The following CADM2 variants were observed in gnomAD, a reference collection of about 807,000 sequenced individuals.
CADM2 encodes the protein immunoglobulin superfamily member 4D.
CADM2 carries 12 observed loss-of-function variants against 49.8 expected under a neutral mutation model. That is an observed-to-expected ratio of 0.24 (90% CI 0.15 to 0.39). The LOEUF is 0.39. Ranked by LOEUF, CADM2 falls within the 10% of genes least tolerant of loss-of-function variation. The pLI, the probability that CADM2 is intolerant of heterozygous loss-of-function variation, is 1.00. For synonymous variants in CADM2, 214 were observed against 175.4 expected (o/e 1.22, Z -1.74); for missense variants, 378 against 492.3 (o/e 0.77, Z 2.20).
At chr3:85,570,013 C>T (rs1399053843) in intron 1 of CADM2, among the ~76,000 whole-genome samples, 1 of 152,114 alleles carries the variant, frequency 6.6e-6, no homozygotes, top group Admixed American at 6.6e-5. Flanking sequence ...TTATATGATT[C>T]AAACATGTAT....
intron 1 of CADM2, among the ~76,000 whole-genome samples, chr3:85,544,354 G>A (rs1037233361): frequency 4.6e-5 from 7 of 152,094 alleles, no homozygotes; most frequent in Admixed American, 3.3e-4. Flanking sequence ...CGAGGCGGGC[G>A]GATCACGAGG....
intron 7 of CADM2, among the ~76,000 whole-genome samples, chr3:85,942,580 C>T (rs992041072): frequency 7.4e-5 from 11 of 149,282 alleles, no homozygotes; most frequent in Non-Finnish European, 1.2e-4. Context: ...TGAGAATATG[C>T]GGTGTATGTT....
chr3:85,264,028 A>C (rs2043069017), intron 1 of CADM2, among the ~76,000 whole-genome samples: 1 of 151,898 alleles, frequency 6.6e-6, no homozygotes, highest in Non-Finnish European at 1.5e-5. Flanking sequence ...AAATGGAGGG[A>C]AAATTGGAGT....
chr3:86,055,089 A>G (rs1348102940), intron 8 of CADM2, among the ~76,000 whole-genome samples: 2 of 152,192 alleles, frequency 1.3e-5, no homozygotes, highest in Non-Finnish European at 2.9e-5. Flanking sequence ...GAATTTTAGC[A>G]TATATTTTTT....
intron 1 of CADM2, among the ~76,000 whole-genome samples, chr3:85,481,875 T>C (rs1232766364): frequency 6.6e-6 from 1 of 151,528 alleles, no homozygotes; most frequent in African/African-American, 2.4e-5. Context: ...TCTATTGATG[T>C]TATTCGTGTT....
chr3:85,090,442 G>A (rs1287294079), intron 1 of CADM2, among the ~76,000 whole-genome samples: 1 of 152,042 alleles, frequency 6.6e-6, no homozygotes, highest in African/African-American at 2.4e-5. Flanking sequence ...TGCTTTATTA[G>A]TAATTTTTAG....
chr3:85,328,418 A>G (rs1007003011), intron 1 of CADM2, among the ~76,000 whole-genome samples: 8 of 152,204 alleles, frequency 5.3e-5, no homozygotes, highest in South Asian at 2.1e-4. Context: ...TAAATTTCCA[A>G]TTTCATCTGC....
At position 85,203,861 on chromosome 3, in the gene CADM2, T is replaced by G. The variant is rs573971098; in HGVS notation, c.61+244193T>G. On this transcript the variant is annotated intron_variant, in intron 1 of 9. Transcript: ENST00000383699. ...TCATTCCTCCTATGTAATATGAAAT[T>G]GCCAATAAAAATCTTTTATTGCCCA... is the stretch of plus-strand genomic sequence containing the variant. Among the ~76,000 whole-genome samples, 7 of 152,362 alleles carry G rather than the reference T, an allele frequency of 4.6e-5. No individual in the cohort carries two copies. In the East Asian group the frequency reaches 1.3e-3, roughly 29 times the overall value.
intron 1 of CADM2, among the ~76,000 whole-genome samples, chr3:85,401,832 A>G (rs2035126168): frequency 6.6e-6 from 1 of 152,104 alleles, no homozygotes; most frequent in Non-Finnish European, 1.5e-5. Flanking sequence ...GAGCACAGGT[A>G]TGTTTACTCA....
chr3:85,118,439 C>T (rs993234655), intron 1 of CADM2, among the ~76,000 whole-genome samples: 1 of 152,060 alleles, frequency 6.6e-6, no homozygotes, highest in Non-Finnish European at 1.5e-5. Context: ...GCTGGGGAGG[C>T]CTTACAATTA....
intron 3 of CADM2, among the ~76,000 whole-genome samples, chr3:85,825,429 A>T (rs1451138074): frequency 6.6e-6 from 1 of 152,054 alleles, no homozygotes; most frequent in Non-Finnish European, 1.5e-5. Context: ...GAGCCCAAAT[A>T]AGTATTCCAC....
At chr3:85,893,480 G>T (rs1470232492) in intron 5 of CADM2, among the ~76,000 whole-genome samples, 1 of 152,134 alleles carries the variant, frequency 6.6e-6, no homozygotes, top group Non-Finnish European at 1.5e-5. Context: ...GGCAACAAAA[G>T]CCAAAATTGA....
At chr3:85,367,670 C>T (rs1396246055) in intron 1 of CADM2, among the ~76,000 whole-genome samples, 1 of 151,870 alleles carries the variant, frequency 6.6e-6, no homozygotes, top group Non-Finnish European at 1.5e-5. Context: ...CTAAAGTCAG[C>T]ACCGTACAGG....
intron 1 of CADM2, among the ~76,000 whole-genome samples, chr3:85,715,818 C>A (rs1262006087): frequency 6.6e-6 from 1 of 152,180 alleles, no homozygotes; most frequent in Non-Finnish European, 1.5e-5. Context: ...ATCCATATCC[C>A]TGCAAAGGAC....
intron 2 of CADM2, among the ~76,000 whole-genome samples, chr3:85,791,652 T>A (rs759308478): frequency 3.9e-5 from 6 of 152,030 alleles, no homozygotes; most frequent in Non-Finnish European, 8.8e-5. Context: ...AATAGTAGGC[T>A]AGCATTGTAC....
chr3:85,750,904 C>T lies in CADM2; in HGVS notation c.88+24356C>T, dbSNP rs148113239. Among the ~76,000 whole-genome samples, 278 of 152,120 alleles carry T rather than the reference C, an allele frequency of 1.8e-3. 5 individuals carry two copies. Among genetic ancestry groups the T allele is most frequent in the Non-Finnish European group, 5.3e-4 (36 of 67,972 alleles). On this transcript the variant is annotated intron_variant, in intron 2 of 9. Coordinates refer to ENST00000383699, the MANE Select transcript of CADM2 (RefSeq NM_001167675.2). The stretch of plus-strand genomic sequence containing the variant: ...TAGTGAGAACTTGGTTCATGAAAAG[C>T]AAACATTCATAACTTTCTTTCTTGG...
intron 2 of CADM2, among the ~76,000 whole-genome samples, chr3:85,772,883 GTTTT>G (rs11326310): frequency 7.1e-6 from 1 of 140,552 alleles, no homozygotes; most frequent in Non-Finnish European, 1.5e-5. Context: ...TTCATTTCCA[GTTTT>G]TTTTTTTTTC....
chr3:85,387,518 C>T (rs2034297099), intron 1 of CADM2, among the ~76,000 whole-genome samples: 1 of 151,870 alleles, frequency 6.6e-6, no homozygotes, highest in African/African-American at 2.4e-5. Flanking sequence ...TTTTTAAAAT[C>T]CTGATACTGA....
chr3:85,051,918 T>C (rs747944067), intron 1 of CADM2, among the ~76,000 whole-genome samples: 5 of 152,166 alleles, frequency 3.3e-5, no homozygotes, highest in Non-Finnish European at 7.4e-5. Context: ...AGGGATTTTT[T>C]AAATTACACT....
Sources: allele counts gnomAD v4.1 joint callset (sites outside exome capture counted in the v4.1 genomes callset), GRCh38; gene constraint gnomAD v4.1.1; transcripts MANE v1.5; gene names NCBI Gene and HGNC (gene_info 2026-07-23, HGNC 2026-07-21).